ZNF605: variants seen among roughly 807,000 people sequenced by gnomAD.
ZNF605 encodes the protein zinc finger protein 605.
ZNF605 carries 9 observed loss-of-function variants against 7.9 expected under a neutral mutation model. The observed-to-expected ratio is 1.14, with a 90% CI of 0.68 to 1.98. The LOEUF (loss-of-function observed/expected upper bound fraction) is 1.98, where lower values mean the gene tolerates loss of function less well. Ranked by LOEUF, ZNF605 falls within the 30% of genes most tolerant of loss-of-function variation. ZNF605 has a pLI of 0.00. For synonymous variants in ZNF605, 255 were observed against 260.1 expected (o/e 0.98, Z 0.19); for missense variants, 673 against 762.4 (o/e 0.88, Z 1.38).
chr12:132,938,161 T>C (rs1952387875), intron 3 of ZNF605, among the ~76,000 whole-genome samples: 1 of 151,892 alleles, frequency 6.6e-6, no homozygotes, highest in Non-Finnish European at 1.5e-5. Context: ...TTTGTATTTT[T>C]AGTAGAGACG....
chr12:132,940,605 G>A lies in ZNF605; in HGVS notation c.15+5016C>T, dbSNP rs796639238. 2.6e-3 allele frequency among the ~76,000 whole-genome samples: 399 copies of A among 152,254 alleles called. 3 individuals are homozygous for A. Among genetic ancestry groups the A allele is most frequent in the African/African-American group, 8.9e-3 (369 of 41,542 alleles). On this transcript the variant is annotated intron_variant, in intron 3 of 4. Coordinates refer to ENST00000360187, the MANE Select transcript of ZNF605 (RefSeq NM_183238.4). ...GATGGGAACTGCTGCAGTTAGGGCC[G>A]TTACAGAGCAGCATAGGAAGACTGA... is the stretch of plus-strand genomic sequence containing the variant.
rs1459244950 is a variant in ZNF605, at chr12:132,938,014, TC to T, written c.16-4860del. On this transcript the variant is annotated intron_variant, in intron 3 of 4. Coordinates refer to ENST00000360187, the MANE Select transcript of ZNF605 (RefSeq NM_183238.4). ...TTATTTATTTGAGAGGGAGTCTCGCTCTGTCGCCCAGGCTGGAGTGCAGTGG... is the reference window on the plus strand; with the variant it reads ...TTATTTATTTGAGAGGGAGTCTCGCTTGTCGCCCAGGCTGGAGTGCAGTGG... Among the ~76,000 whole-genome samples, 599 of 152,292 alleles carry T rather than the reference TC, an allele frequency of 3.9e-3. 1 individual carries two copies. The highest frequency in any genetic ancestry group is 4.4e-3 in the Non-Finnish European group (301 of 68,004).
chr12:132,955,613 C>T (rs866600495), intron 1 of ZNF605, among the ~76,000 whole-genome samples: 1,747 of 152,162 alleles, frequency 0.011, 38 homozygotes, highest in African/African-American at 0.041. Context: ...TCGCTGTTTT[C>T]CAGGAGCACA....
In ZNF605 at chr12:132,921,052, CCT is replaced by C. The variant is rs1237401154; in HGVS notation, c.*4319_*4320del. The C allele has an allele frequency of 6.6e-6, 1 of 152,196 alleles. No homozygotes were observed. Among genetic ancestry groups the C allele is most frequent in the Non-Finnish European group, 1.5e-5 (1 of 68,080 alleles). The allele number at this position is 152,196 out of a possible 1,614,324, so 9.4% of individuals were successfully genotyped here. On this transcript the variant is annotated 3_prime_UTR_variant, in exon 5 of 5. Transcript: ENST00000360187. ...ATGTTATTCAGGCTGGTCGCGAACTCCTGAACTCAGGTGATCCACCCACCTCG... is the reference window on the plus strand; with the variant it reads ...ATGTTATTCAGGCTGGTCGCGAACTCGAACTCAGGTGATCCACCCACCTCG...
intron 4 of ZNF605, among the ~76,000 whole-genome samples, chr12:132,928,384 G>A (rs1952269676): frequency 6.6e-6 from 1 of 151,942 alleles, no homozygotes; most frequent in Non-Finnish European, 1.5e-5. Context: ...CTTCCTCTTG[G>A]AATTATCCAA....
intron 3 of ZNF605, 69 bp downstream of exon 3, chr12:132,945,552 G>C: frequency 4.8e-6 from 2 of 418,166 alleles, no homozygotes; most frequent in Admixed American, 4.3e-5. Flanking sequence ...TCATGAAACA[G>C]AGGATAAACC....
intron 3 of ZNF605, among the ~76,000 whole-genome samples, chr12:132,942,435 T>C (rs986549851): frequency 3.3e-5 from 5 of 152,166 alleles, no homozygotes; most frequent in African/African-American, 1.2e-4. Context: ...CCAGAGACTG[T>C]CCACACTTGA....
intron 3 of ZNF605, among the ~76,000 whole-genome samples, chr12:132,939,076 G>A (rs375623437): frequency 8.6e-5 from 13 of 151,646 alleles, no homozygotes; most frequent in South Asian, 4.2e-4. Context: ...CCTCCCTGAC[G>A]AGCACCACCC....
intron 1 of ZNF605, among the ~76,000 whole-genome samples, chr12:132,952,953 G>A (rs1952587976): frequency 1.3e-5 from 2 of 151,842 alleles, no homozygotes; most frequent in Admixed American, 1.3e-4. Context: ...GTCCCAGAGA[G>A]GGCCTCCATC....
chr12:132,925,344 C>A lies in ZNF605; in HGVS notation c.*29G>T, dbSNP rs1445784355. 4 of 1,502,696 alleles carry A rather than the reference C, an allele frequency of 2.7e-6. No homozygotes were observed. The highest frequency in any genetic ancestry group is 2.7e-6 in the Non-Finnish European group (3 of 1,111,752). The allele number at this position is 1,502,696 out of a possible 1,614,324, so 93.1% of individuals were successfully genotyped here. ...CAGAAAGTATGACACTTGATAGCAA[C>A]CTTTCTGCATTCGCCAAAGTCATGA... On this transcript the variant is annotated 3_prime_UTR_variant, in exon 5 of 5. Coordinates refer to ENST00000360187, the MANE Select transcript of ZNF605 (RefSeq NM_183238.4).
chr12:132,928,180 C>T (rs1952267625), intron 4 of ZNF605, among the ~76,000 whole-genome samples: 1 of 151,882 alleles, frequency 6.6e-6, no homozygotes, highest in African/African-American at 2.4e-5. Flanking sequence ...CATAAAAATG[C>T]AACATTAGTA....
chr12:132,927,263 T>G, intron 4 of ZNF605, 101 bp from the exon 5 acceptor site: 2 of 802,762 alleles, frequency 2.5e-6, no homozygotes, highest in Non-Finnish European at 3.6e-6. Context: ...GTTTTTAAAA[T>G]TCCCTCAAAT....
At chr12:132,931,735 C>T (rs1282920603) in intron 4 of ZNF605, among the ~76,000 whole-genome samples, 21 of 152,172 alleles carry the variant, frequency 1.4e-4, no homozygotes, top group Non-Finnish European at 2.6e-4. Context: ...TCAACAAAAA[C>T]GGAGATTAAA....
chr12:132,947,991 A>G (rs1450875946), intron 2 of ZNF605, among the ~76,000 whole-genome samples, 157 bp downstream of exon 2: 2 of 152,188 alleles, frequency 1.3e-5, no homozygotes, highest in East Asian at 1.9e-4. Context: ...TGCAGGCGGT[A>G]TCTTTTCCAG....
intron 4 of ZNF605, among the ~76,000 whole-genome samples, chr12:132,928,923 G>T (rs1360355673): frequency 6.6e-6 from 1 of 151,738 alleles, no homozygotes. Context: ...AGGCAGAGGG[G>T]GTGGATCACT....
Position 132,930,937 on chromosome 12 carries a change from T to C in ZNF605, c.136+2098A>G, listed in dbSNP as rs977540480. The stretch of plus-strand genomic sequence containing the variant: ...ATGGCTCTTCCTGTAATCCCAGCAC[T>C]TGGGGAGGCCAAGGCGGGAGGATCA... On this transcript the variant is annotated intron_variant, in intron 4 of 4. Coordinates refer to ENST00000360187, the MANE Select transcript of ZNF605 (RefSeq NM_183238.4). Among the ~76,000 whole-genome samples the C allele has an allele frequency of 6.3e-3, 957 of 152,294 alleles. 10 individuals are homozygous for C. The highest frequency in any genetic ancestry group is 0.021 in the African/African-American group (891 of 41,566).
At chr12:132,939,218 G>C (rs1329751822) in intron 3 of ZNF605, among the ~76,000 whole-genome samples, 1 of 152,196 alleles carries the variant, frequency 6.6e-6, no homozygotes, top group Non-Finnish European at 1.5e-5. Context: ...CTGGGCTCCT[G>C]AGTCTGGTGG....
At chr12:132,951,858 T>C (rs1331982756) in intron 1 of ZNF605, among the ~76,000 whole-genome samples, 2 of 150,652 alleles carry the variant, frequency 1.3e-5, no homozygotes, top group East Asian at 3.9e-4. Flanking sequence ...CATCACACAC[T>C]ATACTCACAC....
chr12:132,946,840 T>C (rs1334758787), intron 2 of ZNF605, among the ~76,000 whole-genome samples: 2 of 152,214 alleles, frequency 1.3e-5, no homozygotes, highest in Admixed American at 6.5e-5. Context: ...GACTAAAGCC[T>C]GGCCTTCAGC....
Sources: gnomAD v4.1 joint callset for allele counts (sites outside exome capture counted in the v4.1 genomes callset) on GRCh38, gnomAD v4.1.1 for gene constraint, MANE v1.5 for transcripts, NCBI Gene and HGNC (gene_info 2026-07-23, HGNC 2026-07-21) for gene names.